The following CAPG variants were observed in gnomAD, a reference collection of about 807,000 sequenced individuals.
CAPG encodes the protein capping actin protein, gelsolin like.
CAPG carries 32 observed loss-of-function variants against 44.6 expected under a neutral mutation model. That is an observed-to-expected ratio of 0.72 (90% CI 0.54 to 0.96). The LOEUF is 0.96. Ranked by LOEUF, CAPG falls within the 50% of genes least tolerant of loss-of-function variation. The pLI, the probability that CAPG is intolerant of heterozygous loss-of-function variation, is 0.00. For missense variants in CAPG, 412 were observed against 438.3 expected, an observed-to-expected ratio of 0.94 and a Z score of 0.54; for synonymous variants, 175 against 179.6, an observed-to-expected ratio of 0.97 and a Z score of 0.20.
chr2:85,403,364 G>T (rs528006326), intron 1 of CAPG, among the ~76,000 whole-genome samples: 1 of 151,952 alleles, frequency 6.6e-6, no homozygotes, highest in African/African-American at 2.4e-5. Flanking sequence ...TAAAAAACTC[G>T]TTCCCCCGCC....
Position 85,401,985 on chromosome 2 carries a change from G to T in CAPG, c.24-28C>A, listed in dbSNP as rs772310920. 3.7e-6 allele frequency: 6 copies of T among 1,613,750 alleles called. No homozygotes were observed. The African/African-American group carries it at 6.7e-5, about 18-fold the overall frequency. On this transcript the variant is annotated intron_variant, in intron 2 of 9. Transcript: ENST00000263867. Reference sequence around the variant, plus strand: ...GCGAGAAGAGAGAGGGTTGACAGCAGCCTGGACCCACTTGCCCAAGCACAG... The same window carrying T: ...GCGAGAAGAGAGAGGGTTGACAGCATCCTGGACCCACTTGCCCAAGCACAG...
At chr2:85,398,214 G>A (rs1686699743) in intron 7 of CAPG, 62 bp from the exon 8 acceptor site, 13 of 1,578,690 alleles carry the variant, frequency 8.2e-6, no homozygotes, top group Non-Finnish European at 1.1e-5. Context: ...CTCAGCCTGA[G>A]GAGGGGGAGG....
chr2:85,413,903 C>A, upstream of CAPG: 1 of 152,292 alleles, frequency 6.6e-6, no homozygotes, highest in Non-Finnish European at 1.5e-5. Context: ...AGCGGGGCGC[C>A]CCCGAACCGG....
intron 3 of CAPG, 37 bp downstream of exon 3, chr2:85,401,748 T>A (rs1686905737): frequency 6.2e-7 from 1 of 1,612,492 alleles, no homozygotes; most frequent in Non-Finnish European, 8.5e-7. Flanking sequence ...TCCCTCCCCT[T>A]CCTGGGCCCA....
chr2:85,399,210 G>T lies in CAPG; in HGVS notation c.592C>A (p.Arg198=), dbSNP rs11539103. Reference sequence around the variant, plus strand: ...GCCTTGCCCTGTCGCTCACTGTCCCGGATGGCCAGGGCCAGGTCCCTCGCC... The same window carrying T: ...GCCTTGCCCTGTCGCTCACTGTCCCTGATGGCCAGGGCCAGGTCCCTCGCC... The part of the protein sequence containing the change: ...NKARDLALAI[R]DSERQGKAQV... The change falls in exon 6 of 10, where the codon CGG becomes AGG. Residue 198 remains arginine, a synonymous_variant. Transcript: ENST00000263867. The T allele has an allele frequency of 1.2e-6, 2 of 1,614,172 alleles. No individual in the cohort carries two copies. Among genetic ancestry groups the T allele is most frequent in the Non-Finnish European group, 1.7e-6 (2 of 1,179,992 alleles).
intron 7 of CAPG, 123 bp downstream of exon 7, chr2:85,398,567 C>A (rs932794320): frequency 2.7e-5 from 21 of 785,106 alleles, no homozygotes; most frequent in Non-Finnish European, 2.5e-5. Context: ...CCCCACCTCC[C>A]ACCTCGGTTC....
At chr2:85,417,477 CTTTTTTTTTTTT>C (rs1242085864) in intron 1 of CAPG, among the ~76,000 whole-genome samples, 4 of 101,052 alleles carry the variant, frequency 4.0e-5, no homozygotes, top group South Asian at 3.3e-4. Flanking sequence ...TATCTCAGCT[CTTTTTTTTTTTT>C]TTTTTTTTTT....
chr2:85,394,831 C>A lies in CAPG; in HGVS notation c.*62G>T, dbSNP rs947463216. On this transcript the variant is annotated 3_prime_UTR_variant, in exon 10 of 10. Transcript: ENST00000263867. ...GGCACCTCTGCACTGACCAGGCAGC[C>A]AGAGAAGCAAGCAGGCAGGTGGTGG... 8.1e-7 allele frequency: 1 copy of A among 1,228,644 alleles called. No individual in the cohort carries two copies. Among genetic ancestry groups the A allele is most frequent in the African/African-American group, 1.5e-5 (1 of 67,360 alleles). 76.1% of individuals were successfully genotyped at this position (1,228,644 alleles called of 1,614,324 possible).
downstream of CAPG, chr2:85,391,783 C>T (rs1343529934): frequency 6.6e-6 from 1 of 152,626 alleles, no homozygotes; most frequent in Non-Finnish European, 1.5e-5. Context: ...CAAGACAAGT[C>T]TTGCACCATC....
chr2:85,398,854 G>A (rs1686739243), intron 6 of CAPG, 72 bp from the exon 7 acceptor site: 1 of 1,223,576 alleles, frequency 8.2e-7, no homozygotes, highest in Non-Finnish European at 1.1e-6. Context: ...CATGCCCAGG[G>A]CCACTGCTTC....
chr2:85,408,099 T>C (rs1417856744), intron 1 of CAPG, among the ~76,000 whole-genome samples: 1 of 151,930 alleles, frequency 6.6e-6, no homozygotes, highest in Non-Finnish European at 1.5e-5. Context: ...TCCCAGAACT[T>C]TGGAAGGCTG....
At chr2:85,418,706 AGCGGGCCGTTGG>A (rs1264675565), upstream of CAPG, 2 of 152,224 alleles carry the variant, frequency 1.3e-5, no homozygotes, top group East Asian at 3.9e-4. Flanking sequence ...CCCGGCAGGC[AGCGGGCCGTTGG>A]GCGGGGCCTT....
At chr2:85,415,330 C>T (rs1687529845), upstream of CAPG, among the ~76,000 whole-genome samples, 1 of 152,232 alleles carries the variant, frequency 6.6e-6, no homozygotes, top group Non-Finnish European at 1.5e-5. Context: ...GGCAACCTGG[C>T]CTGCTTCCAG....
chr2:85,401,569 T>G lies in CAPG; in HGVS notation c.311A>C (p.Asp104Ala), dbSNP rs771283910. 1 of 1,613,690 alleles carries G rather than the reference T, an allele frequency of 6.2e-7. No individual in the cohort carries two copies. Among genetic ancestry groups the G allele is most frequent in the South Asian group, 1.1e-5 (1 of 91,068 alleles). The change falls in exon 4 of 10, where the codon GAC (aspartate) becomes GCC (alanine). Residue 104 changes from aspartate (D) to alanine (A), a missense_variant. Physicochemically the swap from Asp to Ala is moderately radical, Grantham distance 126. Transcript: ENST00000263867. ...CCGTGGGAAGTAGCTCATGAAGAGG[T>G]CAGACTCATTGCCCTGCACCTCGCG... ...QHREVQGNES[D>A]LFMSYFPRGL... is the part of the protein sequence containing the mutation.
intron 1 of CAPG, among the ~76,000 whole-genome samples, chr2:85,406,752 G>A (rs1687179461): frequency 6.6e-6 from 1 of 151,806 alleles, no homozygotes; most frequent in African/African-American, 2.4e-5. Flanking sequence ...CAGCTATTCG[G>A]GAGGCTGAGG....
downstream of CAPG, among the ~76,000 whole-genome samples, chr2:85,393,668 G>A (rs540905989): frequency 6.6e-6 from 1 of 152,004 alleles, no homozygotes; most frequent in Non-Finnish European, 1.5e-5. Flanking sequence ...GGGTTTAAGC[G>A]ATTCTCCTGC....
chr2:85,398,149 A>C lies in CAPG; in HGVS notation c.763T>G (p.Ser255Ala). The change falls in exon 8 of 10, where the codon TCT (serine) becomes GCT (alanine). Residue 255 changes from serine to alanine, a missense_variant. Coordinates refer to ENST00000263867, the MANE Select transcript of CAPG (RefSeq NM_001747.4). ...AGGTTCATCTGTCCAGTGGCATCAGAGACCTGGGGAGGAGGGACAGTGCCT... is the reference window on the plus strand; with the variant it reads ...AGGTTCATCTGTCCAGTGGCATCAGCGACCTGGGGAGGAGGGACAGTGCCT... ...NAQAAALYKV[S>A]DATGQMNLTK... 1 of 1,613,252 alleles carries C rather than the reference A, an allele frequency of 6.2e-7. No individual in the cohort carries two copies.
intron 7 of CAPG, 147 bp from the exon 8 acceptor site, chr2:85,398,299 A>C (rs1686704683): frequency 5.4e-6 from 5 of 918,130 alleles, no homozygotes; most frequent in Admixed American, 5.7e-5. Flanking sequence ...AAGAGAGTGA[A>C]GACCTGAAAA....
downstream of CAPG, among the ~76,000 whole-genome samples, chr2:85,394,591 T>C (rs1686497182): frequency 6.6e-6 from 1 of 152,226 alleles, no homozygotes; most frequent in Non-Finnish European, 1.5e-5. Flanking sequence ...ATTGGGTTCA[T>C]GGCAGTCCCT....
Sources: gnomAD v4.1 joint callset for allele counts (sites outside exome capture counted in the v4.1 genomes callset) on GRCh38, gnomAD v4.1.1 for gene constraint, MANE v1.5 for transcripts, NCBI Gene and HGNC (gene_info 2026-07-23, HGNC 2026-07-21) for gene names.